The following PCDHB11 variants were observed in gnomAD, a reference collection of about 807,000 sequenced individuals.
PCDHB11 encodes protocadherin beta-11.
For missense variants in PCDHB11, 1,151 were observed against 1,003.4 expected, an observed-to-expected ratio of 1.15 and a Z score of -1.99; for synonymous variants, 522 against 442.0, an observed-to-expected ratio of 1.18 and a Z score of -2.27.
chr5:141,202,299 CA>C lies in PCDHB11; in HGVS notation c.*133del, dbSNP rs1367641368. 6.1e-5 allele frequency: 56 copies of C among 924,500 alleles called. No homozygotes were observed. In the East Asian group the frequency reaches 9.6e-4, roughly 16 times the overall value. The allele number at this position is 924,500 out of a possible 1,614,324, so 57.3% of individuals were successfully genotyped here. On this transcript the variant is annotated 3_prime_UTR_variant, in exon 1 of 1. Coordinates refer to ENST00000354757, the MANE Select transcript of PCDHB11 (RefSeq NM_018931.3). Reference sequence around the variant, plus strand: ...ATTTTTAATTTTTTCTTTTCTCCCCCAATTTTTTTTTTTTTTTTGAGACCGA... The same window carrying C: ...ATTTTTAATTTTTTCTTTTCTCCCCCATTTTTTTTTTTTTTTTGAGACCGA...
Position 141,203,735 on chromosome 5 carries a change from C to A in PCDHB11, c.*1567C>A, listed in dbSNP as rs1754258356. 1 of 151,870 alleles carries A rather than the reference C, an allele frequency of 6.6e-6. No individual in the cohort carries two copies. Among genetic ancestry groups the A allele is most frequent in the Non-Finnish European group, 1.5e-5 (1 of 67,996 alleles). 9.4% of individuals were successfully genotyped at this position (151,870 alleles called of 1,614,324 possible). On this transcript the variant is annotated 3_prime_UTR_variant, in exon 1 of 1. Transcript: ENST00000354757. ...GAGAGATCATGGCTTATAATCCAAA[C>A]AAAATGTAATAAACTGCATGAAAAT...
chr5:141,201,454 C>G lies in PCDHB11; in HGVS notation c.1680C>G (p.Phe560Leu), dbSNP rs373395828. Residue 560 changes from phenylalanine (F) to leucine (L), a missense_variant, in exon 1 of 1, where the codon TTC becomes TTG. Transcript: ENST00000354757. ...TGGACGCCAACGACAACTCGCCCTT[C>G]GTGCTGTACCCGCTGCAGAACGGCT... ...LVLDANDNSP[F>L]VLYPLQNGSA... The G allele has an allele frequency of 6.1e-5, 99 of 1,610,848 alleles. No homozygotes were observed. Among genetic ancestry groups the G allele is most frequent in the Non-Finnish European group, 6.7e-5 (79 of 1,179,434 alleles).
rs1300289223 is a variant in PCDHB11, at chr5:141,200,956, A to G, written c.1182A>G (p.Lys394=). The change falls in exon 1 of 1, where the codon AAA becomes AAG. Residue 394 remains lysine, a synonymous_variant. Coordinates refer to ENST00000354757, the MANE Select transcript of PCDHB11 (RefSeq NM_018931.3). ...CGGAAGACCTCCCATTCGTGCTAAA[A>G]TCTTCAGTTGAGAATTACTACACGT... ...SIPEDLPFVL[K]SSVENYYTLE... 1 of 1,614,100 alleles carries G rather than the reference A, an allele frequency of 6.2e-7. No homozygotes were observed. Among genetic ancestry groups the G allele is most frequent in the African/African-American group, 1.3e-5 (1 of 74,942 alleles).
rs1232005479 is a variant in PCDHB11, at chr5:141,203,666, A to G, written c.*1498A>G. The G allele has an allele frequency of 6.6e-6, 1 of 151,078 alleles. No individual in the cohort carries two copies. The highest frequency in any genetic ancestry group is 1.5e-5 in the Non-Finnish European group (1 of 67,798). The allele number at this position is 151,078 out of a possible 1,614,324, so 9.4% of individuals were successfully genotyped here. On this transcript the variant is annotated 3_prime_UTR_variant, in exon 1 of 1. Transcript: ENST00000354757. ...AATATACTACACTTACTTGGCTAAT[A>G]TTTTTAATGCTTTTGTGTGTGTATA...
In PCDHB11 at chr5:141,202,420, C is replaced by A; in HGVS notation, c.*252C>A. 1 of 288,032 alleles carries A rather than the reference C, an allele frequency of 3.5e-6. No individual in the cohort carries two copies. Among genetic ancestry groups the A allele is most frequent in the Non-Finnish European group, 6.3e-6 (1 of 158,032 alleles). The allele number at this position is 288,032 out of a possible 1,614,324, so 17.8% of individuals were successfully genotyped here. Reference sequence around the variant, plus strand: ...GTTCAAGCAATTCTCCTGCATCAGCCTCCCGAGTAGCTGGCATTACAGGCG... The same window carrying A: ...GTTCAAGCAATTCTCCTGCATCAGCATCCCGAGTAGCTGGCATTACAGGCG... On this transcript the variant is annotated 3_prime_UTR_variant, in exon 1 of 1. Transcript: ENST00000354757.
In PCDHB11 at chr5:141,201,518, C is replaced by T. The variant is rs1754190824; in HGVS notation, c.1744C>T (p.Pro582Ser). The T allele has an allele frequency of 1.9e-6, 3 of 1,608,734 alleles. No individual in the cohort carries two copies. In the East Asian group the frequency reaches 6.7e-5, roughly 36 times the overall value. The change falls in exon 1 of 1, where the codon CCG (proline) becomes TCG (serine). Residue 582 changes from proline (P) to serine (S), a missense_variant. Coordinates refer to ENST00000354757, the MANE Select transcript of PCDHB11 (RefSeq NM_018931.3). ...CGAGCTGGTGCCCCGGGCGGCCGAG[C>T]CGGGCTACCTGGTGACCAAGGTGGT... ...CTELVPRAAE[P>S]GYLVTKVVAV...
Position 141,201,623 on chromosome 5 carries a change from G to A in PCDHB11, c.1849G>A (p.Val617Met). Residue 617 changes from valine (V) to methionine (M), a missense_variant, in exon 1 of 1, where the codon GTG (valine) becomes ATG (methionine). Coordinates refer to ENST00000354757, the MANE Select transcript of PCDHB11 (RefSeq NM_018931.3). Reference sequence around the variant, plus strand: ...GGCCACGGAGCCCGGGCTATTCGGCGTGTGGGCGCACAATGGCGAGGTGCG... The same window carrying A: ...GGCCACGGAGCCCGGGCTATTCGGCATGTGGGCGCACAATGGCGAGGTGCG... Reference protein sequence around the residue: ...LKATEPGLFGVWAHNGEVRTA... With the variant: ...LKATEPGLFGMWAHNGEVRTA... 1.2e-6 allele frequency: 2 copies of A among 1,607,712 alleles called. No homozygotes were observed. The highest frequency in any genetic ancestry group is 1.7e-6 in the Non-Finnish European group (2 of 1,179,290).
At position 141,200,134 on chromosome 5, in the gene PCDHB11, G is replaced by C. The variant is rs368168993; in HGVS notation, c.360G>C (p.Glu120Asp). 6.8e-6 allele frequency: 11 copies of C among 1,614,002 alleles called. No homozygotes were observed. Among genetic ancestry groups the C allele is most frequent in the Non-Finnish European group, 9.3e-6 (11 of 1,180,038 alleles). ...MQNPTQFLQI[E>D]LQVRDINDHS... ...ACCCCACGCAGTTTTTACAAATTGA[G>C]CTTCAGGTCAGGGATATAAATGATC... is the stretch of plus-strand genomic sequence containing the variant. Residue 120 changes from glutamate (E) to aspartate (D), a missense_variant, in exon 1 of 1, where the codon GAG becomes GAC. By Grantham distance (45) the Glu-to-Asp change is conservative. Transcript: ENST00000354757.
rs368818220 is a variant in PCDHB11 at position 141,199,726 on chromosome 5, G to A, written c.-49G>A. Reference sequence around the variant, plus strand: ...GATTTGGTGGACAAGTCAGAGACGCGTTCCGCAGAGCTGAAGCCTTTCTTC... The same window carrying A: ...GATTTGGTGGACAAGTCAGAGACGCATTCCGCAGAGCTGAAGCCTTTCTTC... On this transcript the variant is annotated 5_prime_UTR_variant, in exon 1 of 1. Transcript: ENST00000354757. 1.6e-3 allele frequency: 2,441 copies of A among 1,537,644 alleles called. 13 individuals carry two copies. The highest frequency in any genetic ancestry group is 1.8e-3 in the Non-Finnish European group (2,075 of 1,126,616).
rs781843352 is a variant in PCDHB11, at chr5:141,200,952, T to G, written c.1178T>G (p.Leu393Arg). 1 of 1,614,216 alleles carries G rather than the reference T, an allele frequency of 6.2e-7. No homozygotes were observed. The highest frequency in any genetic ancestry group is 8.5e-7 in the Non-Finnish European group (1 of 1,180,050). ...CSIPEDLPFV[L>R]KSSVENYYTL... Reference sequence around the variant, plus strand: ...ATTCCGGAAGACCTCCCATTCGTGCTAAAATCTTCAGTTGAGAATTACTAC... The same window carrying G: ...ATTCCGGAAGACCTCCCATTCGTGCGAAAATCTTCAGTTGAGAATTACTAC... The change falls in exon 1 of 1, where the codon CTA becomes CGA. Residue 393 changes from leucine (L) to arginine (R), a missense_variant. Coordinates refer to ENST00000354757, the MANE Select transcript of PCDHB11 (RefSeq NM_018931.3).
At position 141,200,096 on chromosome 5, in the gene PCDHB11, G is replaced by A; in HGVS notation, c.322G>A (p.Val108Met). 3 of 1,614,184 alleles carry A rather than the reference G, an allele frequency of 1.9e-6. No homozygotes were observed. The highest frequency in any genetic ancestry group is 2.5e-6 in the Non-Finnish European group (3 of 1,180,034). The change falls in exon 1 of 1, where the codon GTG becomes ATG. Residue 108 changes from valine (V) to methionine (M), a missense_variant. Coordinates refer to ENST00000354757, the MANE Select transcript of PCDHB11 (RefSeq NM_018931.3). ...CGAGCCTTGCGTGCTACATTTGCAG[G>A]TGTTAATGCAAAACCCCACGCAGTT... is the stretch of plus-strand genomic sequence containing the variant. ...SIEPCVLHLQ[V>M]LMQNPTQFLQ...
Position 141,200,939 on chromosome 5 carries a change from C to A in PCDHB11, c.1165C>A (p.Leu389Ile). 6.2e-7 allele frequency: 1 copy of A among 1,614,222 alleles called. No individual in the cohort carries two copies. Among genetic ancestry groups the A allele is most frequent in the Non-Finnish European group, 8.5e-7 (1 of 1,180,050 alleles). The change falls in exon 1 of 1, where the codon CTC (leucine) becomes ATC (isoleucine). Residue 389 changes from leucine (L) to isoleucine (I), a missense_variant. By Grantham distance (5) the Leu-to-Ile change is conservative (BLOSUM62 2). Transcript: ENST00000354757. ...GRIVCSIPED[L>I]PFVLKSSVEN... ...AATTGTTTGTTCCATTCCGGAAGAC[C>A]TCCCATTCGTGCTAAAATCTTCAGT...
chr5:141,201,471 A>G lies in PCDHB11; in HGVS notation c.1697A>G (p.Gln566Arg), dbSNP rs782462100. Reference sequence around the variant, plus strand: ...TCGCCCTTCGTGCTGTACCCGCTGCAGAACGGCTCCGCGCCCTGCACCGAG... The same window carrying G: ...TCGCCCTTCGTGCTGTACCCGCTGCGGAACGGCTCCGCGCCCTGCACCGAG... ...DNSPFVLYPL[Q>R]NGSAPCTELV... is the part of the protein sequence containing the mutation. The change falls in exon 1 of 1, where the codon CAG (glutamine) becomes CGG (arginine). Residue 566 changes from glutamine to arginine, a missense_variant. Coordinates refer to ENST00000354757, the MANE Select transcript of PCDHB11 (RefSeq NM_018931.3). 4 of 1,610,570 alleles carry G rather than the reference A, an allele frequency of 2.5e-6. No homozygotes were observed. Among genetic ancestry groups the G allele is most frequent in the African/African-American group, 2.7e-5 (2 of 74,992 alleles).
Position 141,201,764 on chromosome 5 carries a change from G to A in PCDHB11, c.1990G>A (p.Asp664Asn). Residue 664 changes from aspartate to asparagine, a missense_variant, in exon 1 of 1, where the codon GAC becomes AAC. Physicochemically the swap from Asp to Asn is conservative, Grantham distance 23. Transcript: ENST00000354757. ...CGCCACGCTGCAAGTGCTCCTGGTG[G>A]ACGGCTTCTCCCAGCCCTACCTGCC... ...ATATLQVLLV[D>N]GFSQPYLPLP... is the part of the protein sequence containing the mutation. 2.5e-6 allele frequency: 4 copies of A among 1,609,386 alleles called. No individual in the cohort carries two copies. Among genetic ancestry groups the A allele is most frequent in the Non-Finnish European group, 2.5e-6 (3 of 1,179,762 alleles).
At position 141,202,220 on chromosome 5, in the gene PCDHB11, T is replaced by A; in HGVS notation, c.*52T>A. The A allele has an allele frequency of 7.1e-7, 1 of 1,417,704 alleles. No homozygotes were observed. Among genetic ancestry groups the A allele is most frequent in the African/African-American group, 1.4e-5 (1 of 69,510 alleles). The allele number at this position is 1,417,704 out of a possible 1,614,324, so 87.8% of individuals were successfully genotyped here. On this transcript the variant is annotated 3_prime_UTR_variant, in exon 1 of 1. Coordinates refer to ENST00000354757, the MANE Select transcript of PCDHB11 (RefSeq NM_018931.3). ...ACTTTTTTAGTTTTATGTAACCATA[T>A]CAATATTATTTAGTCTTAAACTAGT...
chr5:141,201,145 C>G lies in PCDHB11; in HGVS notation c.1371C>G (p.Thr457=). The change falls in exon 1 of 1, where the codon ACC becomes ACG. Residue 457 remains threonine, a synonymous_variant. Coordinates refer to ENST00000354757, the MANE Select transcript of PCDHB11 (RefSeq NM_018931.3). ...NAPTFTQTSY[T]LFVRENNSPA... ...CCACCTTCACCCAAACCTCCTACAC[C>G]CTGTTCGTCCGCGAGAACAACAGCC... 1.2e-6 allele frequency: 2 copies of G among 1,613,878 alleles called. No individual in the cohort carries two copies. Among genetic ancestry groups the G allele is most frequent in the South Asian group, 2.2e-5 (2 of 91,066 alleles).
rs1361987230 is a variant in PCDHB11, at chr5:141,202,962, A to T, written c.*794A>T. The stretch of plus-strand genomic sequence containing the variant: ...TAACATTGTAAATCCTTTTTATATT[A>T]AGTAACAGGTAGTTAATCCATTTCT... On this transcript the variant is annotated 3_prime_UTR_variant, in exon 1 of 1. Coordinates refer to ENST00000354757, the MANE Select transcript of PCDHB11 (RefSeq NM_018931.3). The T allele has an allele frequency of 2.8e-5, 3 of 106,602 alleles. No individual in the cohort carries two copies. Among genetic ancestry groups the T allele is most frequent in the South Asian group, 2.6e-4 (1 of 3,814 alleles). 6.6% of individuals were successfully genotyped at this position (106,602 alleles called of 1,614,324 possible).
Position 141,200,057 on chromosome 5 carries a change from C to T in PCDHB11, c.283C>T (p.Leu95Phe). The change falls in exon 1 of 1, where the codon CTC (leucine) becomes TTC (phenylalanine). Residue 95 changes from leucine (L) to phenylalanine (F), a missense_variant. By Grantham distance (22) the Leu-to-Phe change is conservative (BLOSUM62 0). Coordinates refer to ENST00000354757, the MANE Select transcript of PCDHB11 (RefSeq NM_018931.3). The part of the protein sequence containing the change: ...LLSETLDREE[L>F]CGSIEPCVLH... ...AAGTGAAACACTAGACAGGGAGGAG[C>T]TCTGCGGTTCCATCGAGCCTTGCGT... The T allele has an allele frequency of 2.5e-6, 4 of 1,614,180 alleles. No individual in the cohort carries two copies. Among genetic ancestry groups the T allele is most frequent in the Admixed American group, 1.7e-5 (1 of 60,022 alleles).
chr5:141,200,117 C>T lies in PCDHB11; in HGVS notation c.343C>T (p.Gln115Ter), dbSNP rs782173189. The T allele has an allele frequency of 6.2e-7, 1 of 1,614,162 alleles. No homozygotes were observed. Among genetic ancestry groups the T allele is most frequent in the Non-Finnish European group, 8.5e-7 (1 of 1,180,038 alleles). The stretch of plus-strand genomic sequence containing the variant: ...GCAGGTGTTAATGCAAAACCCCACG[C>T]AGTTTTTACAAATTGAGCTTCAGGT... ...HLQVLMQNPT[Q>*]FLQIELQVRD... Residue 115 changes from glutamine (Q) to a stop codon, truncating the protein, a stop_gained, in exon 1 of 1, where the codon CAG becomes TAG. Coordinates refer to ENST00000354757, the MANE Select transcript of PCDHB11 (RefSeq NM_018931.3). LOFTEE classifies it low-confidence loss of function (END_TRUNC).
Sources: gnomAD v4.1 joint callset for allele counts on GRCh38, gnomAD v4.1.1 for gene constraint, MANE v1.5 for transcripts, NCBI Gene and HGNC (gene_info 2026-07-23, HGNC 2026-07-21) for gene names.